GFPT2: variants seen among roughly 807,000 people sequenced by gnomAD.
GFPT2 encodes glutamine--fructose-6-phosphate transaminase 2, also known as glutamine--fructose-6-phosphate aminotransferase [isomerizing] 2.
A neutral mutation model predicts 85.6 loss-of-function variants in GFPT2; 62 were observed. The observed-to-expected ratio is 0.72, with a 90% CI of 0.59 to 0.90. GFPT2 has a LOEUF of 0.90. Ranked by LOEUF, GFPT2 falls within the 40% of genes least tolerant of loss-of-function variation. GFPT2 has a pLI of 0.00. For missense variants in GFPT2, 788 were observed against 893.4 expected, an observed-to-expected ratio of 0.88 and a Z score of 1.50; for synonymous variants, 368 against 344.5, an observed-to-expected ratio of 1.07 and a Z score of -0.75.
At chr5:180,338,384 A>G in intron 2 of GFPT2, 109 bp downstream of exon 2, 1 of 483,884 alleles carries the variant, frequency 2.1e-6, no homozygotes, top group Non-Finnish European at 3.7e-6. Context: ...AGACGTTAAA[A>G]AGTAGCAGAA....
At chr5:180,332,729 A>G (rs1389184559) in intron 4 of GFPT2, among the ~76,000 whole-genome samples, 3 of 152,026 alleles carry the variant, frequency 2.0e-5, no homozygotes, top group Non-Finnish European at 2.9e-5. Flanking sequence ...TAGTAGAGAC[A>G]GGGTTTCACC....
At chr5:180,306,128 G>A (rs1763772131) in intron 16 of GFPT2, among the ~76,000 whole-genome samples, 1 of 152,086 alleles carries the variant, frequency 6.6e-6, no homozygotes, top group Non-Finnish European at 1.5e-5. Flanking sequence ...GGGATTACAG[G>A]CGTGCACCAC....
chr5:180,316,547 G>A, intron 12 of GFPT2, 86 bp from the exon 13 acceptor site: 2 of 1,465,510 alleles, frequency 1.4e-6, no homozygotes, highest in Non-Finnish European at 1.9e-6. Context: ...GGGACAGTTT[G>A]TGACACGGAA....
At chr5:180,349,349 T>C (rs2127658918) in intron 1 of GFPT2, among the ~76,000 whole-genome samples, 1 of 152,318 alleles carries the variant, frequency 6.6e-6, no homozygotes, top group South Asian at 2.1e-4. Context: ...ATTGTTTTAT[T>C]GTGAAATTCA....
At chr5:180,331,407 G>T in intron 5 of GFPT2, 88 bp downstream of exon 5, 1 of 799,410 alleles carries the variant, frequency 1.3e-6, no homozygotes. Flanking sequence ...TTCCCACACT[G>T]GTTTCCGCAA....
In GFPT2 at chr5:180,309,955, T is replaced by C. The variant is rs563038529; in HGVS notation, c.1546+2475A>G. ...CCCCCCGAGTAGCTGGGACTACAGGTGCCCACCACCACGCCCGGCTAATTT... is the reference window on the plus strand; with the variant it reads ...CCCCCCGAGTAGCTGGGACTACAGGCGCCCACCACCACGCCCGGCTAATTT... On this transcript the variant is annotated intron_variant, in intron 15 of 18. Transcript: ENST00000253778. Among the ~76,000 whole-genome samples the C allele has an allele frequency of 1.0e-2, 1,414 of 141,888 alleles. 28 individuals are homozygous for C. Among genetic ancestry groups the C allele is most frequent in the African/African-American group, 0.035 (1,341 of 37,864 alleles). The allele number at this position is 141,888 out of a possible 152,430, so 93.1% of individuals were successfully genotyped here.
intron 1 of GFPT2, among the ~76,000 whole-genome samples, chr5:180,348,551 G>A (rs1237711831): frequency 1.3e-5 from 2 of 152,194 alleles, no homozygotes; most frequent in African/African-American, 2.4e-5. Context: ...CGGGCCTGGC[G>A]GGGGCCCTGA....
rs1764277490 is a variant in GFPT2 at position 180,330,167 on chromosome 5, A to T, written c.534+533T>A. Reference sequence around the variant, plus strand: ...GAAACCCTGTCTCTACTAAAAGTACAAAAATTAGCCAGGTGTGGTGGTGCG... The same window carrying T: ...GAAACCCTGTCTCTACTAAAAGTACTAAAATTAGCCAGGTGTGGTGGTGCG... On this transcript the variant is annotated intron_variant, in intron 6 of 18. Coordinates refer to ENST00000253778, the MANE Select transcript of GFPT2 (RefSeq NM_005110.4). This position sits in a 1 kb window ranked among gnomAD's most constrained non-coding sequence, Gnocchi z 4.4. 6.6e-6 allele frequency among the ~76,000 whole-genome samples: 1 copy of T among 152,150 alleles called. No homozygotes were observed. Among genetic ancestry groups the T allele is most frequent in the Non-Finnish European group, 1.5e-5 (1 of 68,030 alleles).
chr5:180,316,353 T>A lies in GFPT2; in HGVS notation c.1261A>T (p.Ile421Phe). The A allele has an allele frequency of 6.2e-7, 1 of 1,614,112 alleles. No homozygotes were observed. The highest frequency in any genetic ancestry group is 8.5e-7 in the Non-Finnish European group (1 of 1,179,988). Residue 421 changes from isoleucine to phenylalanine, a missense_variant, in exon 13 of 19, where the codon ATC becomes TTC. Coordinates refer to ENST00000253778, the MANE Select transcript of GFPT2 (RefSeq NM_005110.4). ...CTGTGTCCCTTACCTGACTGGCTGA[T>A]GAAAAAGCAAACGTCATCCCTGAAC... The part of the protein sequence containing the change: ...PVFRDDVCFF[I>F]SQSGETADTL...
At position 180,330,637 on chromosome 5, in the gene GFPT2, GAAA is replaced by G. The variant is rs878892490; in HGVS notation, c.534+60_534+62del. The G allele has an allele frequency of 2.1e-6, 3 of 1,415,504 alleles. No homozygotes were observed. The East Asian group carries it at 6.9e-5, about 32-fold the overall frequency. 87.7% of individuals were successfully genotyped at this position (1,415,504 alleles called of 1,614,324 possible). On this transcript the variant is annotated intron_variant, in intron 6 of 18. Coordinates refer to ENST00000253778, the MANE Select transcript of GFPT2 (RefSeq NM_005110.4). This position sits in a 1 kb window ranked among gnomAD's most constrained non-coding sequence, Gnocchi z 4.4. Reference sequence around the variant, plus strand: ...AAGGATTCCTTGGCACTTGCTGCTTGAAAAAAATGTTTTTAATGAAAGAATGAA... The same window carrying G: ...AAGGATTCCTTGGCACTTGCTGCTTGAAAATGTTTTTAATGAAAGAATGAA...
At chr5:180,331,306 T>G in intron 5 of GFPT2, 189 bp downstream of exon 5, 1 of 593,612 alleles carries the variant, frequency 1.7e-6, no homozygotes, top group Non-Finnish European at 3.0e-6. Flanking sequence ...TGCCCTGTTA[T>G]CTCCTCAAAC....
intron 1 of GFPT2, among the ~76,000 whole-genome samples, chr5:180,343,295 G>T (rs990362615): frequency 6.6e-6 from 1 of 152,160 alleles, no homozygotes; most frequent in African/African-American, 2.4e-5. Context: ...GAGAACGTTC[G>T]GCACGCTCCG....
chr5:180,344,379 T>C (rs530270970), intron 1 of GFPT2, among the ~76,000 whole-genome samples: 1 of 152,272 alleles, frequency 6.6e-6, no homozygotes, highest in African/African-American at 2.4e-5. Flanking sequence ...CCATGGCACA[T>C]GTGCCCCTAT....
intron 3 of GFPT2, 51 bp from the exon 4 acceptor site, chr5:180,336,004 C>G: frequency 1.3e-6 from 2 of 1,517,762 alleles, no homozygotes; most frequent in Middle Eastern, 1.8e-4. Context: ...AGCCTCGACC[C>G]AGGACTGTGA....
chr5:180,312,297 G>C, intron 15 of GFPT2, 133 bp downstream of exon 15: 1 of 651,068 alleles, frequency 1.5e-6, no homozygotes, highest in Non-Finnish European at 2.8e-6. Context: ...CTCCAGGAGG[G>C]AGTTGGGGAA....
At chr5:180,348,131 G>A (rs1477201793) in intron 1 of GFPT2, among the ~76,000 whole-genome samples, 1 of 152,154 alleles carries the variant, frequency 6.6e-6, no homozygotes, top group African/African-American at 2.4e-5. Flanking sequence ...CGAACTGAAG[G>A]GGCTGACCTT....
At chr5:180,327,680 T>A (rs549551255) in intron 7 of GFPT2, among the ~76,000 whole-genome samples, 2 of 152,204 alleles carry the variant, frequency 1.3e-5, no homozygotes, top group Non-Finnish European at 2.9e-5. Flanking sequence ...CATGGTTGGA[T>A]GGATGATCAA....
chr5:180,336,016 T>C (rs554819356), intron 3 of GFPT2, 63 bp from the exon 4 acceptor site: 3 of 1,473,502 alleles, frequency 2.0e-6, no homozygotes, highest in South Asian at 2.8e-5. Flanking sequence ...GGACTGTGAG[T>C]GCAACCTGGT....
At chr5:180,350,834 A>G (rs1764698135) in intron 1 of GFPT2, among the ~76,000 whole-genome samples, 1 of 152,216 alleles carries the variant, frequency 6.6e-6, no homozygotes, top group African/African-American at 2.4e-5. Context: ...GAGAAGCAGC[A>G]GGATAAAGGA....
Sources: allele counts gnomAD v4.1 joint callset (sites outside exome capture counted in the v4.1 genomes callset), GRCh38; gene constraint gnomAD v4.1.1; non-coding constraint Gnocchi (gnomAD v3.1); transcripts MANE v1.5; gene names NCBI Gene and HGNC (gene_info 2026-07-23, HGNC 2026-07-21).